The following ABCC4 variants were observed in gnomAD, a reference collection of about 807,000 sequenced individuals.
ABCC4 encodes ATP binding cassette subfamily C member 4 (PEL blood group).
In ABCC4, 102 loss-of-function variants were observed where a neutral mutation model predicts 168.5. The observed-to-expected ratio is 0.61, with a 90% CI of 0.52 to 0.71. The LOEUF is 0.71. ABCC4 is among the 30% of genes least tolerant of loss of function. ABCC4 has a pLI of 0.00. For missense variants in ABCC4, 1,402 were observed against 1,605.8 expected (o/e 0.87, Z 2.17); for synonymous variants, 617 against 590.7 (o/e 1.04, Z -0.65).
chr13:95,283,618 G>A (rs2041183959), intron 1 of ABCC4, among the ~76,000 whole-genome samples: 1 of 152,106 alleles, frequency 6.6e-6, no homozygotes, highest in Non-Finnish European at 1.5e-5. Context: ...GCAGCAGAAT[G>A]CAGAGATTAA....
At chr13:95,196,613 GAA>G (rs1594278306) in intron 8 of ABCC4, among the ~76,000 whole-genome samples, 1 of 6,926 alleles carries the variant, frequency 1.4e-4, no homozygotes, top group East Asian at 5.6e-3. Context: ...AGGAAGGAAG[GAA>G]GGAAGGAAGG....
intron 1 of ABCC4, among the ~76,000 whole-genome samples, 196 bp from the exon 2 acceptor site, chr13:95,247,949 C>CTTTA (rs1366092342): frequency 1.3e-5 from 2 of 151,952 alleles, no homozygotes; most frequent in African/African-American, 4.8e-5. Context: ...CAGTCCCTAG[C>CTTTA]TCTATCCACA....
intron 10 of ABCC4, 138 bp downstream of exon 10, chr13:95,188,315 A>C: frequency 2.6e-6 from 2 of 756,848 alleles, no homozygotes. Context: ...TTGCAAAACG[A>C]ATGTTCCATG....
rs143557024 is a variant in ABCC4, at chr13:95,283,046, C to T, written c.74+18195G>A. Among the ~76,000 whole-genome samples, 1,365 of 151,552 alleles carry T rather than the reference C, an allele frequency of 9.0e-3. 20 individuals are homozygous for T. Among genetic ancestry groups the T allele is most frequent in the African/African-American group, 0.031 (1,267 of 41,402 alleles). On this transcript the variant is annotated intron_variant, in intron 1 of 30. Coordinates refer to ENST00000645237, the MANE Select transcript of ABCC4 (RefSeq NM_005845.5). ...CCTGGTCAACACAGTGAAACCCCATCTCTACTAAAAATACAAAAAATTAGC... is the reference window on the plus strand; with the variant it reads ...CCTGGTCAACACAGTGAAACCCCATTTCTACTAAAAATACAAAAAATTAGC...
chr13:95,088,585 G>A (rs931722329), intron 20 of ABCC4, among the ~76,000 whole-genome samples: 1 of 152,086 alleles, frequency 6.6e-6, no homozygotes, highest in African/African-American at 2.4e-5. Context: ...AACTAGAAAT[G>A]TTAGGAATTC....
At chr13:95,239,949 T>C (rs925857069) in intron 3 of ABCC4, among the ~76,000 whole-genome samples, 1 of 152,190 alleles carries the variant, frequency 6.6e-6, no homozygotes, top group African/African-American at 2.4e-5. Flanking sequence ...GCAATGATCA[T>C]GAATGGCTCC....
At chr13:95,298,160 A>T (rs1422276140) in intron 1 of ABCC4, among the ~76,000 whole-genome samples, 1 of 152,026 alleles carries the variant, frequency 6.6e-6, no homozygotes, top group Non-Finnish European at 1.5e-5. Context: ...GTGAGGGTGC[A>T]CGCCTATAGT....
chr13:95,301,135 C>G (rs1211036913), intron 1 of ABCC4, 106 bp downstream of exon 1: 2 of 1,100,308 alleles, frequency 1.8e-6, no homozygotes, highest in East Asian at 6.4e-5. Context: ...GCGCTCCCCT[C>G]GCCCCCAGCC....
intron 1 of ABCC4, among the ~76,000 whole-genome samples, chr13:95,296,579 G>A (rs1455574667): frequency 6.6e-6 from 1 of 152,154 alleles, no homozygotes; most frequent in Non-Finnish European, 1.5e-5. Flanking sequence ...CAACAGGGGA[G>A]CAAGGATTTA....
rs778104118 is a variant in ABCC4 at position 95,053,110 on chromosome 13, C to T, written c.3441G>A (p.Trp1147Ter). 1.9e-6 allele frequency: 3 copies of T among 1,613,942 alleles called. No individual in the cohort carries two copies. Among genetic ancestry groups the T allele is most frequent in the African/African-American group, 1.3e-5 (1 of 75,038 alleles). ...PFNEHTDEEL[W>*]NALQEVQLKE... Reference sequence around the variant, plus strand: ...TATCAATTACCTCTTGTAAGGCATTCCACAGTTCCTCATCCGTGTGCTCAT... The same window carrying T: ...TATCAATTACCTCTTGTAAGGCATTTCACAGTTCCTCATCCGTGTGCTCAT... Residue 1147 changes from tryptophan to a stop codon, truncating the protein, a stop_gained, in exon 27 of 31, where the codon TGG becomes TGA. Coordinates refer to ENST00000645237, the MANE Select transcript of ABCC4 (RefSeq NM_005845.5). LOFTEE classifies it high-confidence loss of function.
At chr13:95,250,697 TGGC>T (rs1373394081) in intron 1 of ABCC4, among the ~76,000 whole-genome samples, 1 of 151,202 alleles carries the variant, frequency 6.6e-6, no homozygotes, top group Non-Finnish European at 1.5e-5. Flanking sequence ...TTGGTGGTGG[TGGC>T]ATTTAGTTTT....
At chr13:95,063,893 A>G (rs985306025) in intron 25 of ABCC4, among the ~76,000 whole-genome samples, 1 of 152,212 alleles carries the variant, frequency 6.6e-6, no homozygotes, top group East Asian at 1.9e-4. Flanking sequence ...AAGAAATGAC[A>G]TCCTCCTTAT....
chr13:95,187,031 A>G, intron 10 of ABCC4, 139 bp from the exon 11 acceptor site: 1 of 677,950 alleles, frequency 1.5e-6, no homozygotes, highest in Non-Finnish European at 2.3e-6. Context: ...GTTGTGATTA[A>G]AAATTGGAAA....
chr13:95,179,106 T>C (rs2037806594), intron 11 of ABCC4, among the ~76,000 whole-genome samples: 1 of 152,206 alleles, frequency 6.6e-6, no homozygotes, highest in African/African-American at 2.4e-5. Context: ...TAAGTGAGTC[T>C]GGAGGTCTGT....
chr13:95,207,951 G>A (rs377055593), intron 6 of ABCC4, 26 bp from the exon 7 acceptor site: 46 of 1,608,068 alleles, frequency 2.9e-5, no homozygotes, highest in Non-Finnish European at 3.9e-5. Flanking sequence ...CACGGGAGAT[G>A]AGCCTGAGCG....
At chr13:95,142,977 G>C (rs142513533) in intron 19 of ABCC4, among the ~76,000 whole-genome samples, 91 of 152,228 alleles carry the variant, frequency 6.0e-4, no homozygotes, top group African/African-American at 2.0e-3. Flanking sequence ...ATGATTTATG[G>C]GTGGAGGAGG....
intron 7 of ABCC4, 47 bp from the exon 8 acceptor site, chr13:95,206,828 TA>T: frequency 6.2e-7 from 1 of 1,601,106 alleles, no homozygotes; most frequent in East Asian, 2.2e-5. Flanking sequence ...GTCAACCAGA[TA>T]AAGTGGCTCA....
intron 1 of ABCC4, among the ~76,000 whole-genome samples, chr13:95,281,245 C>T (rs141219892): frequency 0.03 from 3,892 of 130,170 alleles, 160 homozygotes; most frequent in African/African-American, 0.11. Context: ...GGGAGGTGGA[C>T]GTTGCAGTGA....
chr13:95,150,375 T>C (rs1015859593), intron 19 of ABCC4, among the ~76,000 whole-genome samples: 2 of 152,174 alleles, frequency 1.3e-5, no homozygotes, highest in Non-Finnish European at 2.9e-5. Flanking sequence ...GCCTATGTGA[T>C]ATAATCTATT....
Sources: gnomAD v4.1 joint callset for allele counts (sites outside exome capture counted in the v4.1 genomes callset) on GRCh38, gnomAD v4.1.1 for gene constraint, MANE v1.5 for transcripts, NCBI Gene and HGNC (gene_info 2026-07-23, HGNC 2026-07-21) for gene names.